The following AGFG1 variants were observed in gnomAD, a reference collection of about 807,000 sequenced individuals.
AGFG1 encodes the protein arf-GAP domain and FG repeat-containing protein 1.
In AGFG1, 10 loss-of-function variants were observed where a neutral mutation model predicts 60.6. That is an observed-to-expected ratio of 0.16 (90% CI 0.10 to 0.28). The LOEUF is 0.28. AGFG1 is among the 10% of genes least tolerant of loss of function. The pLI, the probability that AGFG1 is intolerant of heterozygous loss-of-function variation, is 1.00. For synonymous variants in AGFG1, 247 were observed against 242.9 expected (o/e 1.02, Z -0.16); for missense variants, 537 against 676.5 (o/e 0.79, Z 2.29).
chr2:227,511,605 A>G (rs1691499682), intron 2 of AGFG1, among the ~76,000 whole-genome samples: 1 of 152,196 alleles, frequency 6.6e-6, no homozygotes, highest in South Asian at 2.1e-4. Context: ...GGGGAACTAA[A>G]TGTTCTAGGT....
intron 3 of AGFG1, among the ~76,000 whole-genome samples, chr2:227,522,810 A>G (rs1691862656): frequency 6.6e-6 from 1 of 152,202 alleles, no homozygotes; most frequent in African/African-American, 2.4e-5. Flanking sequence ...AGAGGTCAGG[A>G]TTGCCTATGT....
Position 227,556,457 on chromosome 2 carries a change from G to A in AGFG1, c.*1962G>A, listed in dbSNP as rs1251393884. 6.6e-6 allele frequency: 1 copy of A among 152,602 alleles called. No individual in the cohort carries two copies. The highest frequency in any genetic ancestry group is 1.5e-5 in the Non-Finnish European group (1 of 68,024). 9.5% of individuals were successfully genotyped at this position (152,602 alleles called of 1,614,324 possible). On this transcript the variant is annotated 3_prime_UTR_variant, in exon 13 of 13. Transcript: ENST00000310078. Reference sequence around the variant, plus strand: ...GAATGCTGCACAGGTCCAGATGTGTGTTGATGTAGACTTGAAATGTCTCCA... The same window carrying A: ...GAATGCTGCACAGGTCCAGATGTGTATTGATGTAGACTTGAAATGTCTCCA...
At chr2:227,535,046 C>A in intron 8 of AGFG1, 21 bp downstream of exon 8, 1 of 1,533,884 alleles carries the variant, frequency 6.5e-7, no homozygotes, top group Non-Finnish European at 8.8e-7. Context: ...TTAGCTAGCC[C>A]TCCTGCTTTG....
chr2:227,553,562 G>A (rs1692886208), intron 11 of AGFG1, 142 bp from the exon 12 acceptor site: 1 of 614,090 alleles, frequency 1.6e-6, no homozygotes, highest in South Asian at 2.4e-5. Context: ...ATCTGAAAGA[G>A]CTTGAGGCCT....
At chr2:227,477,516 C>A (rs762328418) in intron 1 of AGFG1, among the ~76,000 whole-genome samples, 1 of 152,012 alleles carries the variant, frequency 6.6e-6, no homozygotes, top group Non-Finnish European at 1.5e-5. Flanking sequence ...CCATGGTTAC[C>A]GTAAATTGTT....
At chr2:227,504,022 T>C (rs1691234584) in intron 2 of AGFG1, among the ~76,000 whole-genome samples, 1 of 152,122 alleles carries the variant, frequency 6.6e-6, no homozygotes, top group African/African-American at 2.4e-5. Context: ...ATTAAGACAT[T>C]AATAAAGAAG....
At chr2:227,545,321 G>T (rs573901086) in intron 10 of AGFG1, among the ~76,000 whole-genome samples, 1 of 152,300 alleles carries the variant, frequency 6.6e-6, no homozygotes, top group African/African-American at 2.4e-5. Context: ...GGTCATTTAA[G>T]ATCTTCCCTA....
At position 227,557,932 on chromosome 2, in the gene AGFG1, G is replaced by A. The variant is rs990591937; in HGVS notation, c.*3437G>A. 1.3e-5 allele frequency: 2 copies of A among 152,238 alleles called. No homozygotes were observed. 9.4% of individuals were successfully genotyped at this position (152,238 alleles called of 1,614,324 possible). The stretch of plus-strand genomic sequence containing the variant: ...TTGTAGGGACCATTAAGGGTCTCCA[G>A]ACTCTTTGAGAACCACTATACTTTA... On this transcript the variant is annotated 3_prime_UTR_variant, in exon 13 of 13. Transcript: ENST00000310078.
chr2:227,505,560 A>G (rs912885194), intron 2 of AGFG1, among the ~76,000 whole-genome samples: 1 of 150,784 alleles, frequency 6.6e-6, no homozygotes, highest in Non-Finnish European at 1.5e-5. Flanking sequence ...TCCTAAGCTC[A>G]CTCTTCTGTT....
intron 2 of AGFG1, among the ~76,000 whole-genome samples, chr2:227,509,074 C>T (rs1389396129): frequency 1.3e-5 from 2 of 152,070 alleles, no homozygotes; most frequent in Non-Finnish European, 2.9e-5. Flanking sequence ...AAAGATCTAC[C>T]TGCAAAATGT....
intron 1 of AGFG1, among the ~76,000 whole-genome samples, chr2:227,482,116 C>T (rs954986984): frequency 3.3e-5 from 5 of 152,080 alleles, no homozygotes; most frequent in Non-Finnish European, 5.9e-5. Context: ...CTGCCCGCTT[C>T]GGCCTCCCAA....
intron 1 of AGFG1, among the ~76,000 whole-genome samples, chr2:227,472,939 A>G (rs557960007): frequency 6.5e-5 from 8 of 122,258 alleles, no homozygotes; most frequent in Non-Finnish European, 1.1e-4. Context: ...CTCTCCAGCT[A>G]CCCGGGGCGC....
intron 1 of AGFG1, among the ~76,000 whole-genome samples, chr2:227,483,631 AAGTT>A (rs1690533399): frequency 1.3e-5 from 2 of 152,296 alleles, no homozygotes; most frequent in Admixed American, 1.3e-4. Flanking sequence ...AGATTAATCC[AAGTT>A]AGTTGTTGTT....
intron 2 of AGFG1, among the ~76,000 whole-genome samples, chr2:227,499,092 C>A (rs979996740): frequency 6.6e-6 from 1 of 152,144 alleles, no homozygotes; most frequent in Non-Finnish European, 1.5e-5. Context: ...CATAAAATTT[C>A]ATCTGTAAAC....
intron 2 of AGFG1, among the ~76,000 whole-genome samples, chr2:227,518,213 T>G (rs1382781613): frequency 1.3e-5 from 2 of 152,234 alleles, no homozygotes; most frequent in Non-Finnish European, 2.9e-5. Flanking sequence ...TATGAACAAT[T>G]GGGTGATTTC....
intron 2 of AGFG1, among the ~76,000 whole-genome samples, chr2:227,517,769 G>A (rs867934235): frequency 2.6e-5 from 4 of 152,098 alleles, no homozygotes; most frequent in African/African-American, 9.7e-5. Flanking sequence ...TCATAGTGTC[G>A]TAATTGCTTA....
At chr2:227,522,046 C>T (rs1043135190) in intron 3 of AGFG1, among the ~76,000 whole-genome samples, 1 of 152,104 alleles carries the variant, frequency 6.6e-6, no homozygotes, top group Non-Finnish European at 1.5e-5. Flanking sequence ...TAAGCACTAT[C>T]CAGATGCAGC....
At chr2:227,540,750 AGATCCCTGGGGAATCG>A (rs1322005680) in intron 10 of AGFG1, among the ~76,000 whole-genome samples, 1 of 152,214 alleles carries the variant, frequency 6.6e-6, no homozygotes, top group Non-Finnish European at 1.5e-5. Context: ...TTCTAGTTCT[AGATCCCTGGGGAATCG>A]CCACACTGTC....
At chr2:227,473,969 G>C (rs1317189597) in intron 1 of AGFG1, among the ~76,000 whole-genome samples, 1 of 152,176 alleles carries the variant, frequency 6.6e-6, no homozygotes, top group African/African-American at 2.4e-5. Context: ...GCAAAAGTAA[G>C]AAAAATGTCT....
Sources: allele counts gnomAD v4.1 joint callset (sites outside exome capture counted in the v4.1 genomes callset), GRCh38; gene constraint gnomAD v4.1.1; transcripts MANE v1.5; gene names NCBI Gene and HGNC (gene_info 2026-07-23, HGNC 2026-07-21).